The following MEIS2 variants were observed in gnomAD, a reference collection of about 807,000 sequenced individuals.
The protein encoded by MEIS2 is Meis homeobox 2.
MEIS2 carries 9 observed loss-of-function variants against 58.6 expected under a neutral mutation model. The ratio of observed to expected loss-of-function variants is 0.15; its 90% CI spans 0.09 to 0.27. MEIS2 has a LOEUF of 0.27. Among genes scored for constraint, MEIS2 ranks in the 10% least tolerant of loss-of-function variants. The pLI is 1.00. For synonymous variants in MEIS2, 221 were observed against 228.4 expected (o/e 0.97, Z 0.29); for missense variants, 427 against 635.0 (o/e 0.67, Z 3.52).
chr15:36,991,407 T>C (rs1171336987), intron 8 of MEIS2, among the ~76,000 whole-genome samples: 2 of 152,044 alleles, frequency 1.3e-5, no homozygotes, highest in Non-Finnish European at 2.9e-5. Flanking sequence ...GTGGTTTCTG[T>C]CACAAAGCAA....
chr15:36,957,294 A>G (rs1286924871), intron 8 of MEIS2, among the ~76,000 whole-genome samples: 1 of 152,238 alleles, frequency 6.6e-6, no homozygotes, highest in Non-Finnish European at 1.5e-5. Flanking sequence ...AAATACCTGA[A>G]AAACACATTT....
intron 11 of MEIS2, chr15:36,894,696 A>G: frequency 1.3e-6 from 2 of 1,549,754 alleles, no homozygotes; most frequent in Non-Finnish European, 1.8e-6. Context: ...GTGAAGACAG[A>G]TCGCACCCGA....
chr15:37,040,835 C>T (rs2062392111), intron 7 of MEIS2, among the ~76,000 whole-genome samples: 1 of 152,148 alleles, frequency 6.6e-6, no homozygotes, highest in African/African-American at 2.4e-5. Flanking sequence ...AGGCCTCATC[C>T]CAGACCTACT....
chr15:36,967,310 G>T (rs1168155345), intron 8 of MEIS2, among the ~76,000 whole-genome samples: 1 of 152,096 alleles, frequency 6.6e-6, no homozygotes, highest in Non-Finnish European at 1.5e-5. Flanking sequence ...TTTTAAAAGG[G>T]TATGTTAATT....
chr15:36,971,553 A>AAAAAAAAAAAAAAAAAAG lies in MEIS2; in HGVS notation c.901-21154_901-21153insCTTTTTTTTTTTTTTTTT, dbSNP rs1555438306. On this transcript the variant is annotated intron_variant, in intron 8 of 11. Transcript: ENST00000561208. ...TTGTTACATTAAAAAAAAAAAAAAA[A>AAAAAAAAAAAAAAAAAAG]AAAAAAAAAAAGGGCTGTTCCAGTG... Among the ~76,000 whole-genome samples, 310 of 132,012 alleles carry AAAAAAAAAAAAAAAAAAG rather than the reference A, an allele frequency of 2.3e-3. 31 individuals are homozygous for AAAAAAAAAAAAAAAAAAG. Among genetic ancestry groups the AAAAAAAAAAAAAAAAAAG allele is most frequent in the African/African-American group, 9.7e-3 (287 of 29,518 alleles). 86.6% of individuals were successfully genotyped at this position (132,012 alleles called of 152,430 possible).
At position 37,076,698 on chromosome 15, in the gene MEIS2, CTATAA is replaced by C. The variant is rs558777620; in HGVS notation, c.754+7068_754+7072del. Among the ~76,000 whole-genome samples the C allele has an allele frequency of 5.6e-3, 846 of 152,002 alleles. 4 individuals carry two copies. Among genetic ancestry groups the C allele is most frequent in the Non-Finnish European group, 9.0e-3 (613 of 67,934 alleles). ...CTTGACATTTGCACTTAAATTTATC[CTATAA>C]TATGAGTCATAGACTATTTCCACAA... On this transcript the variant is annotated intron_variant, in intron 7 of 11. Transcript: ENST00000561208.
chr15:36,975,078 T>C (rs1351005735), intron 8 of MEIS2, among the ~76,000 whole-genome samples: 1 of 152,218 alleles, frequency 6.6e-6, no homozygotes, highest in Non-Finnish European at 1.5e-5. Context: ...ATGGAAAATA[T>C]AGCCACGTTA....
chr15:36,940,783 G>A (rs772066623), intron 9 of MEIS2, among the ~76,000 whole-genome samples: 2 of 152,158 alleles, frequency 1.3e-5, no homozygotes, highest in Admixed American at 6.5e-5. Context: ...GTGCATTGGG[G>A]TGCTCACCTC....
Position 37,083,872 on chromosome 15 carries a change from CAAG to C in MEIS2, c.650_652del (p.Ser217del). On this transcript the variant is annotated inframe_deletion, in exon 7 of 12. Coordinates refer to ENST00000561208, the MANE Select transcript of MEIS2 (RefSeq NM_170675.5). ...TGAGGTTGCATCATCGTGGTCTCGC[CAAG>C]AAGAAGGGTTCTGATGTCAGGATAC... is the stretch of plus-strand genomic sequence containing the variant. 4.3e-6 allele frequency: 7 copies of C among 1,613,714 alleles called. No individual in the cohort carries two copies. Among genetic ancestry groups the C allele is most frequent in the Non-Finnish European group, 5.9e-6 (7 of 1,179,834 alleles).
intron 7 of MEIS2, among the ~76,000 whole-genome samples, chr15:37,057,494 C>A (rs578226535): frequency 1.3e-5 from 2 of 152,104 alleles, no homozygotes; most frequent in Non-Finnish European, 2.9e-5. Context: ...ATTCTGAACC[C>A]AAACCAAGGT....
At position 37,100,494 on chromosome 15, in the gene MEIS2, G is replaced by A. The variant is rs1034144571; in HGVS notation, c.-1028C>T. 6.6e-6 allele frequency: 1 copy of A among 152,134 alleles called. No homozygotes were observed. Among genetic ancestry groups the A allele is most frequent in the Non-Finnish European group, 1.5e-5 (1 of 68,036 alleles). The allele number at this position is 152,134 out of a possible 1,614,324, so 9.4% of individuals were successfully genotyped here. On this transcript the variant is annotated 5_prime_UTR_variant, in exon 1 of 12. Transcript: ENST00000561208. ...ACGGCGGAGACACATCCCGGGAGTG[G>A]GGAGCGGGAGCGAGGAGGAGCGCGC...
chr15:36,970,738 C>A (rs971642916), intron 8 of MEIS2, among the ~76,000 whole-genome samples: 5 of 152,120 alleles, frequency 3.3e-5, no homozygotes, highest in African/African-American at 1.2e-4. Flanking sequence ...ACATCAACAC[C>A]AATTTAATGA....
chr15:36,937,001 A>T (rs2141349698), intron 9 of MEIS2, among the ~76,000 whole-genome samples: 1 of 152,356 alleles, frequency 6.6e-6, no homozygotes, highest in Admixed American at 6.5e-5. Flanking sequence ...GAACTTTGGC[A>T]ATAACAATAT....
chr15:37,052,858 C>A (rs939295050), intron 7 of MEIS2, among the ~76,000 whole-genome samples: 6 of 150,170 alleles, frequency 4.0e-5, no homozygotes, highest in Admixed American at 3.9e-4. Flanking sequence ...GTCACGTGTG[C>A]TACTACTTAA....
chr15:36,900,761 T>C (rs956569068), intron 9 of MEIS2, among the ~76,000 whole-genome samples: 1 of 152,222 alleles, frequency 6.6e-6, no homozygotes, highest in East Asian at 1.9e-4. Context: ...ACCATCATGA[T>C]TTTTCTTTAA....
At chr15:37,008,462 T>A (rs2061002826) in intron 8 of MEIS2, among the ~76,000 whole-genome samples, 1 of 152,202 alleles carries the variant, frequency 6.6e-6, no homozygotes, top group African/African-American at 2.4e-5. Context: ...ATTTGAGATC[T>A]TTCACAAGAG....
intron 7 of MEIS2, among the ~76,000 whole-genome samples, chr15:37,053,211 T>C (rs555260910): frequency 2.0e-5 from 3 of 152,296 alleles, no homozygotes; most frequent in Admixed American, 1.3e-4. Context: ...ACCAATCAAA[T>C]AGCAGTCCAA....
intron 6 of MEIS2, among the ~76,000 whole-genome samples, chr15:37,085,952 A>C (rs79626565): frequency 1.3e-5 from 2 of 152,190 alleles, no homozygotes; most frequent in Admixed American, 6.5e-5. Context: ...GGAAAAAAAA[A>C]GAAAGAAAAG....
In MEIS2 at chr15:36,952,607, C is replaced by CTCTGTGTGTGTG. The variant is rs1490440825; in HGVS notation, c.901-2208_901-2207insCACACACACAGA. 4.2e-3 allele frequency among the ~76,000 whole-genome samples: 594 copies of CTCTGTGTGTGTG among 140,042 alleles called. 4 individuals carry two copies. Among genetic ancestry groups the CTCTGTGTGTGTG allele is most frequent in the South Asian group, 0.024 (93 of 3,946 alleles). The allele number at this position is 140,042 out of a possible 152,430, so 91.9% of individuals were successfully genotyped here. ...AGAGTCTGTCTGTCTGTCTCTCTCTCTGTGTGTGTGTGTGTGTGTGTGTGT... is the reference window on the plus strand; with the variant it reads ...AGAGTCTGTCTGTCTGTCTCTCTCTCTCTGTGTGTGTGTGTGTGTGTGTGTGTGTGTGTGTGT... On this transcript the variant is annotated intron_variant, in intron 8 of 11. Coordinates refer to ENST00000561208, the MANE Select transcript of MEIS2 (RefSeq NM_170675.5).
Sources: allele counts gnomAD v4.1 joint callset (sites outside exome capture counted in the v4.1 genomes callset), GRCh38; gene constraint gnomAD v4.1.1; transcripts MANE v1.5; gene names NCBI Gene and HGNC (gene_info 2026-07-23, HGNC 2026-07-21).